The following DNER variants were observed in gnomAD, a reference collection of about 807,000 sequenced individuals.
DNER encodes delta and Notch-like epidermal growth factor-related receptor.
In DNER, 33 loss-of-function variants were observed where a neutral mutation model predicts 78.2. The observed-to-expected ratio is 0.42, with a 90% confidence interval of 0.32 to 0.56. The LOEUF (loss-of-function observed/expected upper bound fraction) is 0.56. Ranked by LOEUF, DNER falls within the 20% of genes least tolerant of loss-of-function variation. The pLI is 0.11. For synonymous variants in DNER, 417 were observed against 384.8 expected (o/e 1.08, Z -0.98); for missense variants, 918 against 975.3 (o/e 0.94, Z 0.78).
chr2:229,531,474 C>A (rs1380392740), intron 5 of DNER, among the ~76,000 whole-genome samples: 1 of 152,082 alleles, frequency 6.6e-6, no homozygotes, highest in Non-Finnish European at 1.5e-5. Flanking sequence ...CCAATTCACA[C>A]TCAGAGGGAT....
chr2:229,673,459 T>C (rs1699245601), intron 1 of DNER, among the ~76,000 whole-genome samples: 1 of 152,248 alleles, frequency 6.6e-6, no homozygotes, highest in South Asian at 2.1e-4. Context: ...GTTTCTGTCA[T>C]ATGGCATATA....
chr2:229,607,328 T>C (rs1265323090), intron 1 of DNER, among the ~76,000 whole-genome samples: 1 of 152,232 alleles, frequency 6.6e-6, no homozygotes, highest in Non-Finnish European at 1.5e-5. Context: ...GTTCTCGTCG[T>C]GCTCCCTATG....
chr2:229,488,996 C>T (rs1000707616), intron 6 of DNER, among the ~76,000 whole-genome samples: 16 of 152,200 alleles, frequency 1.1e-4, no homozygotes, highest in African/African-American at 3.6e-4. Context: ...CATTGAATAC[C>T]GTCACCCATG....
At chr2:229,419,710 A>G (rs1357739189) in intron 8 of DNER, among the ~76,000 whole-genome samples, 2 of 151,944 alleles carry the variant, frequency 1.3e-5, no homozygotes, top group Admixed American at 6.6e-5. Flanking sequence ...CAAATATACT[A>G]TAGTTTTCAA....
intron 6 of DNER, among the ~76,000 whole-genome samples, chr2:229,506,227 G>C (rs1432246023): frequency 6.6e-6 from 1 of 152,218 alleles, no homozygotes; most frequent in African/African-American, 2.4e-5. Context: ...TGGAGGAAGA[G>C]TAAGCAAACA....
At chr2:229,681,445 T>C (rs1699385608) in intron 1 of DNER, among the ~76,000 whole-genome samples, 1 of 152,176 alleles carries the variant, frequency 6.6e-6, no homozygotes. Flanking sequence ...TTGTCAGACA[T>C]GGTGTTACTC....
intron 8 of DNER, among the ~76,000 whole-genome samples, chr2:229,420,040 ACT>A (rs1385344795): frequency 6.6e-6 from 1 of 150,848 alleles, no homozygotes; most frequent in Non-Finnish European, 1.5e-5. Flanking sequence ...AGGTTGAGAA[ACT>A]CTGTTCTAGA....
intron 6 of DNER, among the ~76,000 whole-genome samples, chr2:229,492,895 T>C (rs1333242495): frequency 6.6e-6 from 1 of 152,182 alleles, no homozygotes; most frequent in Non-Finnish European, 1.5e-5. Flanking sequence ...GGTCTCAAAC[T>C]CATGGCCTCA....
intron 1 of DNER, among the ~76,000 whole-genome samples, chr2:229,642,217 T>C (rs1018474012): frequency 2.6e-5 from 4 of 152,218 alleles, no homozygotes; most frequent in Non-Finnish European, 4.4e-5. Context: ...TAAGACATTT[T>C]ACTGTAGCTT....
At chr2:229,696,017 C>T (rs1400069206) in intron 1 of DNER, among the ~76,000 whole-genome samples, 1 of 152,190 alleles carries the variant, frequency 6.6e-6, no homozygotes, top group African/African-American at 2.4e-5. Flanking sequence ...GCACTCCTTT[C>T]TAAACCTCAT....
intron 1 of DNER, among the ~76,000 whole-genome samples, chr2:229,659,528 G>A (rs113234867): frequency 2.4e-4 from 36 of 152,154 alleles, no homozygotes; most frequent in African/African-American, 7.5e-4. Context: ...TGAATAAATC[G>A]GGTACCGCTC....
chr2:229,366,882 C>T lies in DNER; in HGVS notation c.2093G>A (p.Arg698Gln), dbSNP rs143853534. The T allele has an allele frequency of 2.8e-5, 45 of 1,613,998 alleles. No homozygotes were observed. The highest frequency in any genetic ancestry group is 3.6e-5 in the Non-Finnish European group (43 of 1,180,034). The change falls in exon 12 of 13, where the codon CGG becomes CAG. Residue 698 changes from arginine (R) to glutamine (Q), a missense_variant. By Grantham distance (43) the Arg-to-Gln change is conservative (BLOSUM62 1). Coordinates refer to ENST00000341772, the MANE Select transcript of DNER (RefSeq NM_139072.4). ...SEFSNAIASIRHARFGKKSRP... is the reference protein window; with the variant it reads ...SEFSNAIASIQHARFGKKSRP... ...CGCCCCCACAGCCAACCTGGCATGC[C>T]GGATGGATGCAATGGCATTGCTGAA... is the stretch of plus-strand genomic sequence containing the variant.
intron 8 of DNER, among the ~76,000 whole-genome samples, chr2:229,441,773 C>G (rs1312342832): frequency 6.6e-6 from 1 of 152,106 alleles, no homozygotes; most frequent in Non-Finnish European, 1.5e-5. Flanking sequence ...TGGTCATATC[C>G]AATATCCGTG....
intron 1 of DNER, among the ~76,000 whole-genome samples, chr2:229,605,127 A>T (rs1455112498): frequency 1.3e-5 from 2 of 152,188 alleles, no homozygotes; most frequent in Non-Finnish European, 1.5e-5. Context: ...AAAAGAAAAA[A>T]ATAATAACAG....
At chr2:229,396,550 G>C (rs1693149007) in intron 10 of DNER, among the ~76,000 whole-genome samples, 1 of 152,134 alleles carries the variant, frequency 6.6e-6, no homozygotes, top group Admixed American at 6.5e-5. Flanking sequence ...CACCACCTAA[G>C]GTATGGAGCC....
intron 4 of DNER, among the ~76,000 whole-genome samples, chr2:229,583,906 C>T (rs1341413468): frequency 6.6e-6 from 1 of 152,172 alleles, no homozygotes; most frequent in Non-Finnish European, 1.5e-5. Flanking sequence ...TATGTTCATT[C>T]CCGAAATAAA....
At chr2:229,428,199 G>A (rs1693926015) in intron 8 of DNER, among the ~76,000 whole-genome samples, 1 of 151,968 alleles carries the variant, frequency 6.6e-6, no homozygotes, top group South Asian at 2.1e-4. Flanking sequence ...CAGAGAGATT[G>A]CTCCAGCTAC....
At chr2:229,617,360 A>T (rs1698184133) in intron 1 of DNER, among the ~76,000 whole-genome samples, 1 of 152,196 alleles carries the variant, frequency 6.6e-6, no homozygotes, top group South Asian at 2.1e-4. Context: ...AAACCTCATC[A>T]CCTGTGACTA....
Position 229,397,463 on chromosome 2 carries a change from C to CAAA in DNER, c.1724-9070_1724-9068dup, listed in dbSNP as rs763572496. Among the ~76,000 whole-genome samples, 142 of 96,598 alleles carry CAAA rather than the reference C, an allele frequency of 1.5e-3. 3 individuals are homozygous for CAAA. The highest frequency in any genetic ancestry group is 4.4e-3 in the African/African-American group (119 of 26,770). The allele number at this position is 96,598 out of a possible 152,430, so 63.4% of individuals were successfully genotyped here. ...ACTGCTCCACTCCAGCCAAACACTA[C>CAAA]AAAAAAAAAAAAAAAACTGCAAGTC... On this transcript the variant is annotated intron_variant, in intron 10 of 12. Coordinates refer to ENST00000341772, the MANE Select transcript of DNER (RefSeq NM_139072.4).
Sources: allele counts gnomAD v4.1 joint callset (sites outside exome capture counted in the v4.1 genomes callset), GRCh38; gene constraint gnomAD v4.1.1; transcripts MANE v1.5; gene names NCBI Gene and HGNC (gene_info 2026-07-23, HGNC 2026-07-21).